The following FAM90A20 variants were observed in gnomAD, a reference collection of about 807,000 sequenced individuals.
FAM90A20 encodes the protein protein FAM90A20.
the FAM90A20 span, chr8:7,297,159 G>C: frequency 6.5e-7 from 1 of 1,530,992 alleles, no homozygotes; most frequent in Admixed American, 1.7e-5. Context: ...TCTGGCAGGG[G>C]CTCCGTCTTG....
the FAM90A20 span, chr8:7,296,164 G>A: frequency 3.6e-5 from 23 of 633,422 alleles, 4 homozygotes; most frequent in East Asian, 2.6e-4. Flanking sequence ...GTGCAGAGGC[G>A]GAAAGGGCAC....
At chr8:7,296,585 T>C in the FAM90A20 span, among the ~76,000 whole-genome samples, 1 of 135,888 alleles carries the variant, frequency 7.4e-6, no homozygotes, top group Admixed American at 6.8e-5. Flanking sequence ...CCGTATTTCC[T>C]GTGGCTTTCT....
the FAM90A20 span, chr8:7,297,497 G>A: frequency 1.4e-4 from 220 of 1,524,930 alleles, 22 homozygotes; most frequent in African/African-American, 2.4e-4. Context: ...TGGGTCAGGA[G>A]CCAAGAGACC....
chr8:7,295,278 G>A, the FAM90A20 span: 2 of 157,934 alleles, frequency 1.3e-5, no homozygotes, highest in Non-Finnish European at 2.1e-5. Flanking sequence ...TCCAAGGTGG[G>A]CGTGGCTTGG....
chr8:7,296,225 C>A, the FAM90A20 span: 7 of 669,766 alleles, frequency 1.0e-5, 1 homozygote, highest in African/African-American at 5.4e-5. Flanking sequence ...GGGCCCCAGA[C>A]GGGGTTCTCC....
chr8:7,296,068 A>T, the FAM90A20 span, among the ~76,000 whole-genome samples: 30 of 130,106 alleles, frequency 2.3e-4, 9 homozygotes, highest in African/African-American at 9.5e-4. Context: ...CGACAGGGGG[A>T]AAAGCAATGG....
the FAM90A20 span, among the ~76,000 whole-genome samples, chr8:7,296,734 G>A: frequency 8.2e-3 from 1,116 of 135,780 alleles, 139 homozygotes; most frequent in Middle Eastern, 0.038. Flanking sequence ...GAGTACCCTT[G>A]AGCCACCAAC....
chr8:7,296,817 C>A, the FAM90A20 span, among the ~76,000 whole-genome samples: 1 of 136,186 alleles, frequency 7.3e-6, no homozygotes, highest in Non-Finnish European at 1.5e-5. Context: ...CCAGTTAATG[C>A]CCAAGACGCA....
chr8:7,297,563 C>T, the FAM90A20 span: 11 of 1,514,322 alleles, frequency 7.3e-6, no homozygotes, highest in East Asian at 1.8e-4. Context: ...GAGACTGGGT[C>T]CCTTCCAGAT....
At chr8:7,297,537 A>G in the FAM90A20 span, 1 of 1,524,610 alleles carries the variant, frequency 6.6e-7, no homozygotes, top group East Asian at 2.2e-5. Context: ...GCTTGCCTGA[A>G]CTTCCCCAAG....
the FAM90A20 span, chr8:7,297,736 C>A: frequency 5.4e-6 from 8 of 1,492,176 alleles, no homozygotes; most frequent in Admixed American, 1.2e-4. Flanking sequence ...GCAGACCTTG[C>A]CTGCCTACTG....
chr8:7,296,391 T>C, the FAM90A20 span: 6 of 747,180 alleles, frequency 8.0e-6, no homozygotes, highest in Non-Finnish European at 1.2e-5. Context: ...CTTCTGATTA[T>C]CTGAGGGTGA....
chr8:7,295,876 T>G, the FAM90A20 span: 1 of 652,276 alleles, frequency 1.5e-6, no homozygotes, highest in East Asian at 2.7e-5. Flanking sequence ...TACTGCCTCC[T>G]AAGGACATGG....
chr8:7,297,707 G>T, the FAM90A20 span: 3 of 1,460,680 alleles, frequency 2.1e-6, no homozygotes, highest in East Asian at 6.7e-5. Context: ...GCCCAGCGTT[G>T]AACGGCAGCC....
chr8:7,295,486 C>G, the FAM90A20 span: 5 of 508,776 alleles, frequency 9.8e-6, 1 homozygote, highest in Admixed American at 3.2e-5. Flanking sequence ...TCCGAACTCT[C>G]CCAGCACTTA....
chr8:7,295,570 C>T, the FAM90A20 span: 9 of 671,082 alleles, frequency 1.3e-5, 2 homozygotes, highest in Non-Finnish European at 1.8e-5. Context: ...CCAATGTTAA[C>T]GTGGGATCGC....
Sources: gnomAD v4.1 joint callset for allele counts (sites outside exome capture counted in the v4.1 genomes callset) on GRCh38, gnomAD v4.1.1 for gene constraint, MANE v1.5 for transcripts, NCBI Gene and HGNC (gene_info 2026-07-23, HGNC 2026-07-21) for gene names.